Variants in PGCKA1 observed in about 807,000 individuals in gnomAD.
The protein encoded by PGCKA1 is PDCD10 and GCKIII kinases associated 1, also known as PDCD10 and GCKIII kinases-associated protein 1.
the PGCKA1 span, among the ~76,000 whole-genome samples, chr4:37,539,471 A>C: frequency 6.6e-6 from 1 of 152,204 alleles, no homozygotes; most frequent in African/African-American, 2.4e-5. Context: ...AGCCTGGCCA[A>C]CATGGCAAAA....
chr4:37,571,182 T>C, the PGCKA1 span, among the ~76,000 whole-genome samples: 1 of 151,990 alleles, frequency 6.6e-6, no homozygotes, highest in Non-Finnish European at 1.5e-5. Flanking sequence ...CCCTCTAAGA[T>C]GCAACAACAG....
the PGCKA1 span, among the ~76,000 whole-genome samples, chr4:37,531,394 A>G: frequency 0.082 from 12,417 of 152,146 alleles, 651 homozygotes; most frequent in Middle Eastern, 0.14. Flanking sequence ...TGGGCCTTAG[A>G]GTCACTGTTA....
chr4:37,552,088 G>C, the PGCKA1 span, among the ~76,000 whole-genome samples: 1 of 152,170 alleles, frequency 6.6e-6, no homozygotes, highest in Non-Finnish European at 1.5e-5. Flanking sequence ...CAGGCAGCCC[G>C]GGGCCAGGCC....
chr4:37,537,392 A>G, the PGCKA1 span, among the ~76,000 whole-genome samples: 1 of 152,370 alleles, frequency 6.6e-6, no homozygotes, highest in South Asian at 2.1e-4. Context: ...AAGTAGTAAA[A>G]TAATGACAAA....
the PGCKA1 span, among the ~76,000 whole-genome samples, chr4:37,568,455 G>A: frequency 1.3e-5 from 2 of 152,162 alleles, no homozygotes; most frequent in Non-Finnish European, 1.5e-5. Flanking sequence ...AGTCTCCCTG[G>A]TCTGAGAGCC....
chr4:37,480,256 G>A, the PGCKA1 span, among the ~76,000 whole-genome samples: 10 of 152,340 alleles, frequency 6.6e-5, no homozygotes, highest in East Asian at 1.7e-3. Flanking sequence ...ACTTTGGGAG[G>A]CCAAGGCGGG....
the PGCKA1 span, among the ~76,000 whole-genome samples, chr4:37,585,875 G>T: frequency 6.6e-6 from 1 of 151,746 alleles, no homozygotes; most frequent in Admixed American, 6.6e-5. Flanking sequence ...TGTACTTGGG[G>T]TTTTCTATCT....
the PGCKA1 span, among the ~76,000 whole-genome samples, chr4:37,535,237 C>G: frequency 2.0e-5 from 3 of 152,092 alleles, no homozygotes; most frequent in Non-Finnish European, 4.4e-5. Context: ...TTGAAAGAAT[C>G]GAGGGCTGGG....
At chr4:37,516,603 C>T in the PGCKA1 span, among the ~76,000 whole-genome samples, 1 of 152,110 alleles carries the variant, frequency 6.6e-6, no homozygotes, top group African/African-American at 2.4e-5. Context: ...GTTTTGGAGC[C>T]CACTGGCCTA....
chr4:37,566,059 AGCTATTGT>A, the PGCKA1 span, among the ~76,000 whole-genome samples: 1 of 152,020 alleles, frequency 6.6e-6, no homozygotes, highest in Non-Finnish European at 1.5e-5. Flanking sequence ...CTTGCAGATG[AGCTATTGT>A]GGGACCTTGT....
chr4:37,521,913 A>G, the PGCKA1 span, among the ~76,000 whole-genome samples: 1 of 152,192 alleles, frequency 6.6e-6, no homozygotes, highest in Non-Finnish European at 1.5e-5. Flanking sequence ...CCTGTTATCA[A>G]ATTGACCCCT....
chr4:37,529,686 C>G, the PGCKA1 span, among the ~76,000 whole-genome samples: 1 of 152,166 alleles, frequency 6.6e-6, no homozygotes, highest in East Asian at 1.9e-4. Context: ...ATTAGTTCAG[C>G]CTGCTACCTG....
the PGCKA1 span, among the ~76,000 whole-genome samples, chr4:37,503,059 C>T: frequency 6.6e-6 from 1 of 152,170 alleles, no homozygotes; most frequent in African/African-American, 2.4e-5. Flanking sequence ...ACAGATGCTC[C>T]CACACCAAAC....
chr4:37,496,157 G>T, the PGCKA1 span, among the ~76,000 whole-genome samples: 1 of 152,182 alleles, frequency 6.6e-6, no homozygotes, highest in Admixed American at 6.5e-5. Context: ...CTTTTGTTGC[G>T]ATTACTTTTG....
At chr4:37,470,869 G>T in the PGCKA1 span, among the ~76,000 whole-genome samples, 6 of 151,958 alleles carry the variant, frequency 3.9e-5, no homozygotes, top group Non-Finnish European at 5.9e-5. Context: ...ATTTTGAGTG[G>T]CTATGTGTGG....
At chr4:37,545,910 T>C in the PGCKA1 span, among the ~76,000 whole-genome samples, 4 of 152,376 alleles carry the variant, frequency 2.6e-5, no homozygotes, top group South Asian at 8.3e-4. Flanking sequence ...ACTTTTTCCC[T>C]TAAAATATAG....
the PGCKA1 span, among the ~76,000 whole-genome samples, chr4:37,514,802 G>A: frequency 6.6e-6 from 1 of 152,130 alleles, no homozygotes; most frequent in Admixed American, 6.5e-5. Flanking sequence ...AGCTCAGCAG[G>A]GACTGGAGGA....
the PGCKA1 span, among the ~76,000 whole-genome samples, chr4:37,490,337 T>A: frequency 2.0e-5 from 3 of 152,152 alleles, no homozygotes; most frequent in South Asian, 6.2e-4. Context: ...ATTTTTCTCT[T>A]AAATGTAGAG....
the PGCKA1 span, among the ~76,000 whole-genome samples, chr4:37,569,501 G>A: frequency 5.3e-5 from 8 of 152,024 alleles, no homozygotes; most frequent in Admixed American, 3.9e-4. Context: ...GCCCGGCCCC[G>A]AGGAGGTGGA....
Sources: allele counts gnomAD v4.1 joint callset (sites outside exome capture counted in the v4.1 genomes callset), GRCh38; gene constraint gnomAD v4.1.1; transcripts MANE v1.5; gene names NCBI Gene and HGNC (gene_info 2026-07-23, HGNC 2026-07-21).